MNAT1: variants seen among roughly 807,000 people sequenced by gnomAD.
MNAT1 encodes CDK-activating kinase assembly factor MAT1.
MNAT1 carries 43 observed loss-of-function variants against 42.0 expected under a neutral mutation model. That is an observed-to-expected ratio of 1.02 (90% CI 0.80 to 1.32). The LOEUF (loss-of-function observed/expected upper bound fraction) is 1.32. MNAT1 is among the 40% of genes most tolerant of loss of function. The pLI is 0.00. For synonymous variants in MNAT1, 118 were observed against 120.0 expected, an observed-to-expected ratio of 0.98 and a Z score of 0.11; for missense variants, 306 against 350.4, an observed-to-expected ratio of 0.87 and a Z score of 1.01.
chr14:60,863,346 TA>T (rs2034139201), intron 6 of MNAT1, among the ~76,000 whole-genome samples: 1 of 152,092 alleles, frequency 6.6e-6, no homozygotes, highest in African/African-American at 2.4e-5. Context: ...GACTATTTTT[TA>T]AAAAATGGTG....
intron 7 of MNAT1, among the ~76,000 whole-genome samples, chr14:60,925,565 C>T (rs78978299): frequency 1.3e-5 from 2 of 152,206 alleles, no homozygotes; most frequent in Non-Finnish European, 2.9e-5. Context: ...AAGTTTTGCT[C>T]ATTTTGCTTG....
intron 6 of MNAT1, among the ~76,000 whole-genome samples, chr14:60,851,214 A>G (rs147726206): frequency 1.7e-3 from 255 of 152,272 alleles, no homozygotes; most frequent in Non-Finnish European, 2.9e-3. Context: ...TTAAGAAACA[A>G]TCTGGTGAGA....
intron 7 of MNAT1, among the ~76,000 whole-genome samples, chr14:60,883,344 A>C (rs1005539457): frequency 1.3e-5 from 2 of 152,020 alleles, no homozygotes; most frequent in Non-Finnish European, 2.9e-5. Context: ...TTCTTTTCCC[A>C]AATGTATGGT....
intron 7 of MNAT1, among the ~76,000 whole-genome samples, chr14:60,957,297 AC>A (rs1461226622): frequency 3.3e-5 from 5 of 152,140 alleles, no homozygotes; most frequent in Non-Finnish European, 5.9e-5. Flanking sequence ...ATAAAGATAT[AC>A]CTGAGACTGG....
intron 6 of MNAT1, among the ~76,000 whole-genome samples, chr14:60,845,469 C>T (rs1395519933): frequency 6.6e-6 from 1 of 151,986 alleles, no homozygotes; most frequent in Non-Finnish European, 1.5e-5. Flanking sequence ...TGCCTTTAAT[C>T]TTGATTAGTC....
At chr14:60,788,313 G>C (rs901982073) in intron 1 of MNAT1, among the ~76,000 whole-genome samples, 1 of 152,098 alleles carries the variant, frequency 6.6e-6, no homozygotes, top group Non-Finnish European at 1.5e-5. Context: ...CAAATATTAA[G>C]CAAACCATGC....
At chr14:60,806,247 G>T (rs936480774) in intron 3 of MNAT1, among the ~76,000 whole-genome samples, 1 of 152,208 alleles carries the variant, frequency 6.6e-6, no homozygotes, top group Admixed American at 6.5e-5. Flanking sequence ...AGCATTCAGG[G>T]ATGGAGAGAT....
At chr14:60,956,899 C>A (rs1009320699) in intron 7 of MNAT1, among the ~76,000 whole-genome samples, 17 of 152,156 alleles carry the variant, frequency 1.1e-4, no homozygotes, top group African/African-American at 4.1e-4. Context: ...GAGTCTCTTT[C>A]AGGCAGCATA....
intron 7 of MNAT1, among the ~76,000 whole-genome samples, chr14:60,941,500 G>A (rs1044190280): frequency 5.9e-5 from 9 of 152,156 alleles, no homozygotes; most frequent in Non-Finnish European, 1.3e-4. Flanking sequence ...AGGAATTCAA[G>A]ACCAGCTTGG....
At chr14:60,761,445 A>G (rs2030596502) in intron 1 of MNAT1, among the ~76,000 whole-genome samples, 1 of 152,200 alleles carries the variant, frequency 6.6e-6, no homozygotes, top group African/African-American at 2.4e-5. Context: ...AGCCCTTAAT[A>G]ATTGAGGAGA....
chr14:60,931,715 A>G (rs2139570687), intron 7 of MNAT1, among the ~76,000 whole-genome samples: 1 of 152,286 alleles, frequency 6.6e-6, no homozygotes, highest in East Asian at 1.9e-4. Flanking sequence ...GTGTGGGAGA[A>G]TAGTACTACT....
chr14:60,819,663 T>TA (rs1312879869), intron 6 of MNAT1, among the ~76,000 whole-genome samples: 1 of 152,284 alleles, frequency 6.6e-6, no homozygotes, highest in East Asian at 1.9e-4. Flanking sequence ...CTGTATCAAT[T>TA]AAAAACTGGT....
chr14:60,859,027 T>C (rs757965869), intron 6 of MNAT1, among the ~76,000 whole-genome samples: 2 of 152,226 alleles, frequency 1.3e-5, no homozygotes, highest in Non-Finnish European at 2.9e-5. Context: ...GAATTGTGTA[T>C]ACTAGAAAGT....
chr14:60,860,469 C>A (rs935864773), intron 6 of MNAT1, among the ~76,000 whole-genome samples: 2 of 150,170 alleles, frequency 1.3e-5, no homozygotes, highest in Non-Finnish European at 3.0e-5. Flanking sequence ...TCTCTTGTCT[C>A]AGCCTTCTGA....
At chr14:60,742,809 G>A (rs1896511750) in intron 1 of MNAT1, among the ~76,000 whole-genome samples, 1 of 152,180 alleles carries the variant, frequency 6.6e-6, no homozygotes, top group Non-Finnish European at 1.5e-5. Context: ...GTTCATCCAT[G>A]TTGTAGCATG....
Position 60,887,775 on chromosome 14 carries a change from A to T in MNAT1, c.809+7940A>T, listed in dbSNP as rs936003379. 7.2e-5 allele frequency among the ~76,000 whole-genome samples: 11 copies of T among 152,096 alleles called. No homozygotes were observed. In the East Asian group the frequency reaches 2.1e-3, roughly 29 times the overall value. On this transcript the variant is annotated intron_variant, in intron 7 of 7. Coordinates refer to ENST00000261245, the MANE Select transcript of MNAT1 (RefSeq NM_002431.4). Reference sequence around the variant, plus strand: ...AAATGATAAAGGGGATATCACCACCAATCCCACAGAAATACAAACTACCAT... The same window carrying T: ...AAATGATAAAGGGGATATCACCACCTATCCCACAGAAATACAAACTACCAT...
intron 6 of MNAT1, among the ~76,000 whole-genome samples, chr14:60,862,998 A>G (rs2034130723): frequency 6.6e-6 from 1 of 152,040 alleles, no homozygotes; most frequent in African/African-American, 2.4e-5. Context: ...TATGGGTGTA[A>G]TCTGGAAAAT....
At chr14:60,916,814 G>A (rs1473705031) in intron 7 of MNAT1, among the ~76,000 whole-genome samples, 1 of 152,072 alleles carries the variant, frequency 6.6e-6, no homozygotes, top group Non-Finnish European at 1.5e-5. Flanking sequence ...TTAGCCAGGT[G>A]CGGTTGTGCA....
At chr14:60,885,016 G>A (rs560926867) in intron 7 of MNAT1, among the ~76,000 whole-genome samples, 1 of 151,830 alleles carries the variant, frequency 6.6e-6, no homozygotes, top group East Asian at 1.9e-4. Flanking sequence ...AGTCTCTTCT[G>A]GCCTATAAGG....
Sources: allele counts gnomAD v4.1 joint callset (sites outside exome capture counted in the v4.1 genomes callset), GRCh38; gene constraint gnomAD v4.1.1; transcripts MANE v1.5; gene names NCBI Gene and HGNC (gene_info 2026-07-23, HGNC 2026-07-21).